The following SNTG2 variants were observed in gnomAD, a reference collection of about 807,000 sequenced individuals.
The protein encoded by SNTG2 is gamma-2-syntrophin.
SNTG2 carries 74 observed loss-of-function variants against 70.9 expected under a neutral mutation model. That is an observed-to-expected ratio of 1.04 (90% confidence interval 0.86 to 1.27). SNTG2 has a LOEUF of 1.27. Among genes scored for constraint, SNTG2 ranks in the 50% most tolerant of loss-of-function variants. The pLI is 0.00. For missense variants in SNTG2, 717 were observed against 690.7 expected (o/e 1.04, Z -0.43); for synonymous variants, 278 against 273.8 (o/e 1.02, Z -0.15).
intron 1 of SNTG2, among the ~76,000 whole-genome samples, chr2:1,026,532 G>A (rs1660489881): frequency 6.6e-6 from 1 of 152,154 alleles, no homozygotes; most frequent in Non-Finnish European, 1.5e-5. Context: ...AAAAGTGAGG[G>A]AGATATCATT....
At chr2:1,338,267 G>A (rs1389332129) in intron 16 of SNTG2, among the ~76,000 whole-genome samples, 1 of 152,110 alleles carries the variant, frequency 6.6e-6, no homozygotes, top group Non-Finnish European at 1.5e-5. Flanking sequence ...TTGAATCTGA[G>A]GTTCACTTTT....
chr2:1,133,003 A>G lies in SNTG2; in HGVS notation c.326-4619A>G, dbSNP rs146568142. On this transcript the variant is annotated intron_variant, in intron 4 of 16. Coordinates refer to ENST00000308624, the MANE Select transcript of SNTG2 (RefSeq NM_018968.4). The stretch of plus-strand genomic sequence containing the variant: ...GTACCATATGTCTTCTTTGCCCTAC[A>G]TTCTCTGCTCAGTGTCTAATCAGAC... 1.1e-3 allele frequency among the ~76,000 whole-genome samples: 162 copies of G among 152,286 alleles called. 1 individual carries two copies. The highest frequency in any genetic ancestry group is 3.8e-3 in the African/African-American group (159 of 41,546).
In SNTG2 at chr2:1,083,543, A is replaced by T; in HGVS notation, c.98A>T (p.Tyr33Phe). The T allele has an allele frequency of 6.2e-7, 1 of 1,613,704 alleles. No individual in the cohort carries two copies. The highest frequency in any genetic ancestry group is 8.5e-7 in the Non-Finnish European group (1 of 1,179,696). ...ACGAAAACCACTATTGCTCTGTTGT[A>T]TGATGAAGAGTCCGAAAATGCCTAT... is the stretch of plus-strand genomic sequence containing the variant. ...ARTKTTIALLYDEESENAYDI... is the reference protein window; with the variant it reads ...ARTKTTIALLFDEESENAYDI... The change falls in exon 2 of 17, where the codon TAT (tyrosine) becomes TTT (phenylalanine). Residue 33 changes from tyrosine to phenylalanine, a missense_variant. Coordinates refer to ENST00000308624, the MANE Select transcript of SNTG2 (RefSeq NM_018968.4).
intron 14 of SNTG2, among the ~76,000 whole-genome samples, chr2:1,307,174 TGTG>T (rs1680723634): frequency 6.7e-6 from 1 of 149,440 alleles, no homozygotes; most frequent in African/African-American, 2.5e-5. Flanking sequence ...TGTGTGTGTG[TGTG>T]GTGTGTGAGC....
intron 8 of SNTG2, among the ~76,000 whole-genome samples, chr2:1,206,907 G>T (rs1216684502): frequency 6.6e-6 from 1 of 152,156 alleles, no homozygotes; most frequent in Non-Finnish European, 1.5e-5. Flanking sequence ...TATAATTCTA[G>T]TACTTCTGCA....
chr2:1,193,741 T>C (rs1287933714), intron 8 of SNTG2, among the ~76,000 whole-genome samples: 1 of 152,244 alleles, frequency 6.6e-6, no homozygotes. Flanking sequence ...AATTTATTTT[T>C]ATAAAGACCA....
intron 1 of SNTG2, among the ~76,000 whole-genome samples, chr2:987,662 A>G (rs1163309774): frequency 6.6e-6 from 1 of 152,004 alleles, no homozygotes; most frequent in Admixed American, 6.5e-5. Context: ...CCGTGAGCGA[A>G]TACATCTGCA....
At chr2:1,349,892 C>T (rs774356739) in intron 16 of SNTG2, among the ~76,000 whole-genome samples, 4 of 152,150 alleles carry the variant, frequency 2.6e-5, no homozygotes, top group Non-Finnish European at 4.4e-5. Flanking sequence ...CAAAGTTAAG[C>T]TTAAGTCATC....
intron 9 of SNTG2, among the ~76,000 whole-genome samples, chr2:1,230,197 A>C (rs1676118169): frequency 6.6e-6 from 1 of 152,234 alleles, no homozygotes; most frequent in African/African-American, 2.4e-5. Flanking sequence ...ATGAAGTTTT[A>C]TTCTTTGAAA....
intron 16 of SNTG2, among the ~76,000 whole-genome samples, chr2:1,335,264 T>G (rs879334935): frequency 6.6e-6 from 1 of 152,218 alleles, no homozygotes; most frequent in Non-Finnish European, 1.5e-5. Flanking sequence ...TGAGAAACTT[T>G]ATCAACATAT....
At chr2:1,248,174 A>G (rs1242261066) in intron 12 of SNTG2, among the ~76,000 whole-genome samples, 4 of 152,232 alleles carry the variant, frequency 2.6e-5, no homozygotes, top group African/African-American at 9.6e-5. Context: ...ACCTCCAGAC[A>G]TCAAGACAGT....
chr2:1,008,128 A>T (rs1251465645), intron 1 of SNTG2, among the ~76,000 whole-genome samples: 2 of 152,204 alleles, frequency 1.3e-5, no homozygotes. Context: ...GCTTGATAAT[A>T]ACTTATATTG....
chr2:1,197,132 T>G (rs1390245118), intron 8 of SNTG2, among the ~76,000 whole-genome samples: 3 of 152,030 alleles, frequency 2.0e-5, no homozygotes, highest in Non-Finnish European at 4.4e-5. Flanking sequence ...CTACCTTAAA[T>G]GTAAATGAAT....
At chr2:951,863 C>G (rs946247126) in intron 1 of SNTG2, among the ~76,000 whole-genome samples, 10 of 152,034 alleles carry the variant, frequency 6.6e-5, no homozygotes, top group African/African-American at 2.4e-4. Context: ...GACAACCACT[C>G]CTTTAGGATT....
intron 9 of SNTG2, among the ~76,000 whole-genome samples, chr2:1,236,794 C>T (rs1676689029): frequency 6.6e-6 from 1 of 152,072 alleles, no homozygotes; most frequent in Non-Finnish European, 1.5e-5. Context: ...AGCGATGACA[C>T]TCACATTTGA....
chr2:1,101,309 A>G (rs1223665257), intron 4 of SNTG2, among the ~76,000 whole-genome samples: 1 of 152,128 alleles, frequency 6.6e-6, no homozygotes, highest in Non-Finnish European at 1.5e-5. Flanking sequence ...GCACTTGGAG[A>G]TGAACTTACA....
intron 16 of SNTG2, among the ~76,000 whole-genome samples, chr2:1,330,048 T>C (rs946874309): frequency 6.6e-6 from 1 of 151,794 alleles, no homozygotes; most frequent in African/African-American, 2.4e-5. Flanking sequence ...CCTTTTGAGG[T>C]GGGAAAGGAG....
chr2:972,902 A>T (rs1441295887), intron 1 of SNTG2, among the ~76,000 whole-genome samples: 1 of 152,224 alleles, frequency 6.6e-6, no homozygotes, highest in Non-Finnish European at 1.5e-5. Context: ...TTTTCTTTAT[A>T]AATTACTCAG....
chr2:1,200,967 C>G (rs915897196), intron 8 of SNTG2, among the ~76,000 whole-genome samples: 2 of 151,848 alleles, frequency 1.3e-5, no homozygotes, highest in African/African-American at 4.8e-5. Flanking sequence ...GTTAGTACAA[C>G]CACTCTGGAA....
Sources: gnomAD v4.1 joint callset for allele counts (sites outside exome capture counted in the v4.1 genomes callset) on GRCh38, gnomAD v4.1.1 for gene constraint, MANE v1.5 for transcripts, NCBI Gene and HGNC (gene_info 2026-07-23, HGNC 2026-07-21) for gene names.